Variants in TET1 observed in about 807,000 individuals in gnomAD.
TET1 encodes the protein methylcytosine dioxygenase TET1.
A neutral mutation model predicts 148.7 loss-of-function variants in TET1; 13 were observed. The ratio of observed to expected loss-of-function variants is 0.09; its 90% CI spans 0.06 to 0.14. The LOEUF is 0.14. Among genes scored for constraint, TET1 ranks in the 10% least tolerant of loss-of-function variants. The pLI is 1.00. For missense variants in TET1, 2,182 were observed against 2,553.8 expected (o/e 0.85, Z 3.14); for synonymous variants, 907 against 937.2 (o/e 0.97, Z 0.59).
intron 1 of TET1, among the ~76,000 whole-genome samples, chr10:68,568,681 A>G (rs1364465924): frequency 6.6e-6 from 1 of 152,180 alleles, no homozygotes; most frequent in Non-Finnish European, 1.5e-5. Context: ...GTGAGACTCC[A>G]TCTCCACAAA....
Position 68,691,137 on chromosome 10 carries a change from A to G in TET1, c.5734A>G (p.Thr1912Ala), listed in dbSNP as rs781661899. 1 of 1,613,670 alleles carries G rather than the reference A, an allele frequency of 6.2e-7. No individual in the cohort carries two copies. The highest frequency in any genetic ancestry group is 8.5e-7 in the Non-Finnish European group (1 of 1,179,956). The stretch of plus-strand genomic sequence containing the variant: ...GCTTGGCGAAGTGGCTCCTCTCCCC[A>G]CCCTGTCTGCTCCTGTGATGGAGCC... The part of the protein sequence containing the change: ...SQLGEVAPLP[T>A]LSAPVMEPLI... The change falls in exon 12 of 12, where the codon ACC (threonine) becomes GCC (alanine). Residue 1912 changes from threonine (T) to alanine (A), a missense_variant. Around this residue, in one of 11 missense-constraint regions of TET1, gnomAD observed 380 missense variants for 387.9 expected, o/e 0.98. Transcript: ENST00000373644. The surrounding 1 kb of genome is among the most constrained non-coding windows in gnomAD (Gnocchi z 4.4).
chr10:68,576,429 C>T (rs2053732283), intron 2 of TET1, among the ~76,000 whole-genome samples: 1 of 151,378 alleles, frequency 6.6e-6, no homozygotes, highest in Non-Finnish European at 1.5e-5. Context: ...TGGGAGGGCT[C>T]AGGCAGGTGG....
intron 8 of TET1, 75 bp downstream of exon 8, chr10:68,673,120 T>G: frequency 7.6e-7 from 1 of 1,310,788 alleles, no homozygotes; most frequent in Non-Finnish European, 1.0e-6. Context: ...CCTTTAACAT[T>G]TTTTGAAACA....
At chr10:68,631,816 G>T (rs900062709) in intron 3 of TET1, among the ~76,000 whole-genome samples, 4 of 151,924 alleles carry the variant, frequency 2.6e-5, no homozygotes, top group African/African-American at 9.7e-5. Flanking sequence ...TTCTTTAAGG[G>T]GTAACATTTG....
intron 3 of TET1, among the ~76,000 whole-genome samples, chr10:68,640,963 T>G (rs150056311): frequency 1.6e-4 from 24 of 151,744 alleles, no homozygotes; most frequent in East Asian, 9.7e-4. Context: ...TATGTAATAT[T>G]TATATGATGG....
At chr10:68,687,776 G>A (rs1230311114) in intron 11 of TET1, among the ~76,000 whole-genome samples, 1 of 152,114 alleles carries the variant, frequency 6.6e-6, no homozygotes, top group Non-Finnish European at 1.5e-5. Flanking sequence ...TTTTTATAGA[G>A]ATAGGGTTTC....
chr10:68,666,891 C>G (rs746190973), intron 6 of TET1, among the ~76,000 whole-genome samples, 154 bp from the exon 7 acceptor site: 1 of 152,102 alleles, frequency 6.6e-6, no homozygotes, highest in Non-Finnish European at 1.5e-5. Context: ...TGAGACCAGC[C>G]TTGGTAACAT....
intron 10 of TET1, among the ~76,000 whole-genome samples, chr10:68,685,554 A>G (rs1456866295): frequency 6.6e-6 from 1 of 152,154 alleles, no homozygotes; most frequent in Non-Finnish European, 1.5e-5. Context: ...AATTAATTAC[A>G]ATTAAAATAT....
Position 68,647,144 on chromosome 10 carries a change from A to G in TET1, c.4276+139A>G, listed in dbSNP as rs368434258. On this transcript the variant is annotated intron_variant, in intron 4 of 11. Coordinates refer to ENST00000373644, the MANE Select transcript of TET1 (RefSeq NM_030625.3). ...TAACTAAGATGGATTAAGTAAATCT[A>G]TAACCATTTTTCTGTGGGAACTTTT... is the stretch of plus-strand genomic sequence containing the variant. 25 of 967,340 alleles carry G rather than the reference A, an allele frequency of 2.6e-5. 3 individuals carry two copies. Among genetic ancestry groups the G allele is most frequent in the Admixed American group, 6.5e-5 (2 of 30,592 alleles). The allele number at this position is 967,340 out of a possible 1,614,324, so 59.9% of individuals were successfully genotyped here.
intron 3 of TET1, among the ~76,000 whole-genome samples, chr10:68,606,102 C>T (rs1032582169): frequency 3.3e-5 from 5 of 152,174 alleles, no homozygotes; most frequent in Non-Finnish European, 7.3e-5. Context: ...TTCGGTGGCT[C>T]ATGTCTGTAA....
Position 68,572,960 on chromosome 10 carries a change from G to A in TET1, c.622G>A (p.Gly208Ser), listed in dbSNP as rs756299342. 1 of 1,614,096 alleles carries A rather than the reference G, an allele frequency of 6.2e-7. No homozygotes were observed. Among genetic ancestry groups the A allele is most frequent in the East Asian group, 2.2e-5 (1 of 44,882 alleles). Residue 208 changes from glycine (G) to serine (S), a missense_variant, in exon 2 of 12, where the codon GGC becomes AGC. This residue lies in a region of TET1 where 665 missense variants were observed against 672.4 expected (regional missense o/e 0.99). Coordinates refer to ENST00000373644, the MANE Select transcript of TET1 (RefSeq NM_030625.3). ...CAAGATCAATATCCCTACCCACAGT[G>A]GCCCTGCAGCTGAGATCCTTCCTGG... Reference protein sequence around the residue: ...DSKINIPTHSGPAAEILPGPL... With the variant: ...DSKINIPTHSSPAAEILPGPL...
In TET1 at chr10:68,580,803, A is replaced by ATATAT. The variant is rs1257248698; in HGVS notation, c.1914+6551_1914+6552insTATAT. On this transcript the variant is annotated intron_variant, in intron 2 of 11. Transcript: ENST00000373644. ...ATCTCAAAAAAAAAAAAAAAAAAAA[A>ATATAT]AAATATATATATATATATATGGCGT... 3.3e-5 allele frequency among the ~76,000 whole-genome samples: 4 copies of ATATAT among 120,368 alleles called. 1 individual carries two copies. Among genetic ancestry groups the ATATAT allele is most frequent in the African/African-American group, 1.4e-4 (4 of 29,484 alleles). 79.0% of individuals were successfully genotyped at this position (120,368 alleles called of 152,430 possible).
chr10:68,676,633 T>C (rs970152346), intron 8 of TET1, among the ~76,000 whole-genome samples: 32 of 151,884 alleles, frequency 2.1e-4, no homozygotes, highest in African/African-American at 7.0e-4. Context: ...CAGGCTGGTC[T>C]CGAACTCCTG....
chr10:68,667,314 A>C, intron 7 of TET1, 58 bp downstream of exon 7: 3 of 1,397,840 alleles, frequency 2.1e-6, no homozygotes, highest in Non-Finnish European at 2.9e-6. Context: ...ATATTGGTAA[A>C]ATTGTTAATT....
At position 68,646,662 on chromosome 10, in the gene TET1, C is replaced by T. The variant is rs143389125; in HGVS notation, c.3933C>T (p.Asn1311=). 2.1e-5 allele frequency: 34 copies of T among 1,614,150 alleles called. No individual in the cohort carries two copies. The African/African-American group carries it at 3.5e-4, about 16-fold the overall frequency. ...CCTCTCCACCTAACCAGTGTGCTAA[C>T]GTGATGGCAGGCGATGACCAAATAC... The part of the protein sequence containing the change: ...QPSSPPNQCA[N]VMAGDDQIRF... Residue 1311 remains asparagine, a synonymous_variant, in exon 4 of 12, where the codon AAC becomes AAT. Transcript: ENST00000373644.
chr10:68,617,613 TCG>T (rs2054312217), intron 3 of TET1, among the ~76,000 whole-genome samples: 2 of 152,124 alleles, frequency 1.3e-5, no homozygotes, highest in Admixed American at 1.3e-4. Context: ...TGGCATGATC[TCG>T]GCTCACCACA....
At chr10:68,651,975 G>A (rs372099975) in intron 5 of TET1, 39 bp downstream of exon 5, 365 of 1,543,400 alleles carry the variant, frequency 2.4e-4, no homozygotes, top group Non-Finnish European at 3.1e-4. Context: ...CATTCTTACT[G>A]TGGATCTGAC....
intron 2 of TET1, among the ~76,000 whole-genome samples, chr10:68,600,691 C>A (rs1222543620): frequency 6.6e-6 from 1 of 152,114 alleles, no homozygotes; most frequent in Non-Finnish European, 1.5e-5. Flanking sequence ...TCTGCAGAAG[C>A]AAGCAAGATG....
At chr10:68,669,343 C>T (rs991244611) in intron 7 of TET1, among the ~76,000 whole-genome samples, 1 of 151,968 alleles carries the variant, frequency 6.6e-6, no homozygotes, top group African/African-American at 2.4e-5. Flanking sequence ...CAGAGTCTCA[C>T]TCTGTCGCCC....
Sources: allele counts gnomAD v4.1 joint callset (sites outside exome capture counted in the v4.1 genomes callset), GRCh38; gene constraint gnomAD v4.1.1; regional missense constraint gnomAD v4.1.1; non-coding constraint Gnocchi (gnomAD v3.1); transcripts MANE v1.5; gene names NCBI Gene and HGNC (gene_info 2026-07-23, HGNC 2026-07-21).